The following ACACA variants were observed in gnomAD, a reference collection of about 807,000 sequenced individuals.
The protein encoded by ACACA is acetyl-CoA carboxylase 1.
A neutral mutation model predicts 296.1 loss-of-function variants in ACACA; 103 were observed. The observed-to-expected ratio is 0.35, with a 90% confidence interval of 0.30 to 0.41. The LOEUF is 0.41. Ranked by LOEUF, ACACA falls within the 10% of genes least tolerant of loss-of-function variation. The pLI is 1.00. For synonymous variants in ACACA, 953 were observed against 1,038.6 expected, an observed-to-expected ratio of 0.92 and a Z score of 1.58; for missense variants, 1,554 against 2,989.7, an observed-to-expected ratio of 0.52 and a Z score of 11.20.
At chr17:37,270,136 C>T (rs1020324967) in intron 10 of ACACA, among the ~76,000 whole-genome samples, 6 of 152,190 alleles carry the variant, frequency 3.9e-5, no homozygotes, top group African/African-American at 1.4e-4. Context: ...ATCGAGCTTT[C>T]CTGAGTCACT....
At chr17:37,203,612 G>A (rs2078370983) in intron 33 of ACACA, among the ~76,000 whole-genome samples, 2 of 151,800 alleles carry the variant, frequency 1.3e-5, no homozygotes, top group South Asian at 4.2e-4. Flanking sequence ...GTGTGGTGGC[G>A]CATGTCTGTA....
intron 3 of ACACA, among the ~76,000 whole-genome samples, chr17:37,320,750 C>G (rs1025663069): frequency 6.6e-6 from 1 of 151,678 alleles, no homozygotes; most frequent in Non-Finnish European, 1.5e-5. Context: ...GGTTCGAGAC[C>G]AGCCTGAGCA....
chr17:37,252,970 C>A lies in ACACA; in HGVS notation c.1893G>T (p.Leu631=). Residue 631 remains leucine (L), a synonymous_variant, in exon 15 of 56, where the codon CTG becomes CTT. Coordinates refer to ENST00000616317, the MANE Select transcript of ACACA (RefSeq NM_198834.3). ...RGDFRTTVEY[L]IKLLETESFQ... ...AGCTTTCAGTCTCTAACAATTTGAT[C>A]AGGTATTCAACTGTAGTTCGAAAGT... 6.2e-7 allele frequency: 1 copy of A among 1,614,218 alleles called. No homozygotes were observed. The highest frequency in any genetic ancestry group is 8.5e-7 in the Non-Finnish European group (1 of 1,180,040).
chr17:37,251,255 G>C (rs1288139539), intron 16 of ACACA, among the ~76,000 whole-genome samples: 1 of 152,192 alleles, frequency 6.6e-6, no homozygotes, highest in African/African-American at 2.4e-5. Flanking sequence ...AAGGGATTTA[G>C]ATTTGATACA....
chr17:37,130,198 G>A lies in ACACA; in HGVS notation c.5700C>T (p.Tyr1900=), dbSNP rs2075021547. ...TGCCCCCCAGCTGGTTATTGGAGGT[G>A]TACACTTCCCGCCCGAGGACCTAGA... ...ALNKVLGREV[Y]TSNNQLGGIQ... is the part of the protein sequence containing the mutation. Residue 1900 remains tyrosine (Y), a synonymous_variant, in exon 46 of 56, where the codon TAC becomes TAT. Coordinates refer to ENST00000616317, the MANE Select transcript of ACACA (RefSeq NM_198834.3). 2 of 1,614,046 alleles carry A rather than the reference G, an allele frequency of 1.2e-6. No individual in the cohort carries two copies. The highest frequency in any genetic ancestry group is 1.1e-5 in the South Asian group (1 of 91,090).
Position 37,268,733 on chromosome 17 carries a change from CTATCTATCTA to C in ACACA, c.1119+2008_1119+2017del, listed in dbSNP as rs1192093091. Among the ~76,000 whole-genome samples, 236 of 70,804 alleles carry C rather than the reference CTATCTATCTA, an allele frequency of 3.3e-3. 4 individuals carry two copies. In the East Asian group the frequency reaches 0.056, roughly 17 times the overall value. 46.5% of individuals were successfully genotyped at this position (70,804 alleles called of 152,430 possible). A position where few individuals can be genotyped will look rare whatever the true frequency, so the allele number is the denominator to read the frequency against. ...TATCTATATCTATCTATCTATCTAT[CTATCTATCTA>C]TATATATATATATATATATATATAT... On this transcript the variant is annotated intron_variant, in intron 10 of 55. Coordinates refer to ENST00000616317, the MANE Select transcript of ACACA (RefSeq NM_198834.3).
intron 42 of ACACA, among the ~76,000 whole-genome samples, chr17:37,156,813 T>A (rs1483396360): frequency 6.6e-6 from 1 of 152,228 alleles, no homozygotes; most frequent in Non-Finnish European, 1.5e-5. Context: ...ATGCCCACCA[T>A]TTAACTCAAT....
chr17:37,308,076 ATAC>A (rs2083964955), intron 3 of ACACA, among the ~76,000 whole-genome samples: 1 of 152,196 alleles, frequency 6.6e-6, no homozygotes, highest in South Asian at 2.1e-4. Context: ...AATAGACCAT[ATAC>A]TAAGCCATAA....
At chr17:37,185,935 A>G (rs1293538336) in intron 39 of ACACA, among the ~76,000 whole-genome samples, 2 of 152,202 alleles carry the variant, frequency 1.3e-5, no homozygotes, top group Non-Finnish European at 2.9e-5. Flanking sequence ...GATTACCCAA[A>G]TCTCTTCTCC....
At chr17:37,126,458 A>G (rs546832847) in intron 47 of ACACA, among the ~76,000 whole-genome samples, 47 of 152,220 alleles carry the variant, frequency 3.1e-4, no homozygotes, top group Non-Finnish European at 6.2e-4. Flanking sequence ...TTGCACATAG[A>G]ATTTCCTTCA....
chr17:37,323,406 G>A (rs1197051731), intron 3 of ACACA, among the ~76,000 whole-genome samples: 1 of 152,156 alleles, frequency 6.6e-6, no homozygotes, highest in African/African-American at 2.4e-5. Context: ...ACCAACCAGG[G>A]CAACATAGCA....
chr17:37,368,912 T>C (rs1019604808), intron 1 of ACACA, among the ~76,000 whole-genome samples: 1 of 152,190 alleles, frequency 6.6e-6, no homozygotes, highest in Non-Finnish European at 1.5e-5. Flanking sequence ...TTGGCATTAA[T>C]TGGTAAAGTT....
At chr17:37,399,731 C>T (rs556157139) in intron 1 of ACACA, among the ~76,000 whole-genome samples, 1 of 152,226 alleles carries the variant, frequency 6.6e-6, no homozygotes, top group African/African-American at 2.4e-5. Context: ...CCTGGATTCA[C>T]GAAAACTGTT....
At chr17:37,233,063 C>T (rs1397790762) in intron 25 of ACACA, among the ~76,000 whole-genome samples, 3 of 152,176 alleles carry the variant, frequency 2.0e-5, no homozygotes, top group South Asian at 2.1e-4. Context: ...CGTGGAAAGT[C>T]AGAGTCCCAT....
At chr17:37,284,092 C>T (rs182989842) in intron 4 of ACACA, among the ~76,000 whole-genome samples, 2 of 152,290 alleles carry the variant, frequency 1.3e-5, no homozygotes, top group East Asian at 3.9e-4. Context: ...AGTGGAAATA[C>T]AGGTCCCCAT....
chr17:37,194,339 A>G (rs867785699), intron 35 of ACACA, among the ~76,000 whole-genome samples: 4 of 152,302 alleles, frequency 2.6e-5, no homozygotes, highest in Admixed American at 1.3e-4. Flanking sequence ...TGAAGGAAAC[A>G]TGGACTGAAA....
chr17:37,207,118 T>C (rs1205183868), intron 31 of ACACA, among the ~76,000 whole-genome samples: 1 of 152,232 alleles, frequency 6.6e-6, no homozygotes, highest in East Asian at 1.9e-4. Flanking sequence ...GAAAGAATGA[T>C]CTAAAGCTTT....
chr17:37,110,231 T>C (rs2073907865), intron 52 of ACACA, among the ~76,000 whole-genome samples: 1 of 152,268 alleles, frequency 6.6e-6, no homozygotes, highest in East Asian at 1.9e-4. Flanking sequence ...TTATGAGCCA[T>C]CTAAGTGAGA....
chr17:37,272,710 G>C (rs552331960), intron 9 of ACACA, among the ~76,000 whole-genome samples: 1 of 151,996 alleles, frequency 6.6e-6, no homozygotes, highest in Non-Finnish European at 1.5e-5. Flanking sequence ...GTAAGGAGCG[G>C]GGAGGTAGAA....
Sources: gnomAD v4.1 joint callset for allele counts (sites outside exome capture counted in the v4.1 genomes callset) on GRCh38, gnomAD v4.1.1 for gene constraint, MANE v1.5 for transcripts, NCBI Gene and HGNC (gene_info 2026-07-23, HGNC 2026-07-21) for gene names.